Variants in ATAT1 observed in about 807,000 individuals in gnomAD.
ATAT1 encodes alpha-tubulin N-acetyltransferase 1.
A neutral mutation model predicts 57.2 loss-of-function variants in ATAT1; 42 were observed. The ratio of observed to expected loss-of-function variants is 0.73; its 90% CI spans 0.57 to 0.95. ATAT1 has a LOEUF of 0.95. Ranked by LOEUF, ATAT1 falls within the 40% of genes least tolerant of loss-of-function variation. The probability of loss-of-function intolerance (pLI) is 0.00; values close to 1 mark genes in which losing one functional copy is unlikely to be tolerated. For missense variants in ATAT1, 454 were observed against 523.7 expected, an observed-to-expected ratio of 0.87 and a Z score of 1.30; for synonymous variants, 168 against 187.1, an observed-to-expected ratio of 0.90 and a Z score of 0.83.
chr6:30,636,967 A>G (rs1278971080), intron 6 of ATAT1, among the ~76,000 whole-genome samples: 3 of 151,928 alleles, frequency 2.0e-5, no homozygotes, highest in Non-Finnish European at 4.4e-5. Context: ...GCCCACCACC[A>G]CACCTGGCTA....
chr6:30,640,282 G>A (rs543486192), intron 6 of ATAT1, 95 bp from the exon 7 acceptor site: 2 of 1,362,916 alleles, frequency 1.5e-6, no homozygotes, highest in East Asian at 4.7e-5. Context: ...ACTCTGTGAT[G>A]TTCACACAAT....
chr6:30,643,683 G>A, intron 10 of ATAT1: 1 of 1,509,710 alleles, frequency 6.6e-7, no homozygotes, highest in Non-Finnish European at 8.9e-7. Flanking sequence ...GAGCCCATAG[G>A]ATTCCCTCTT....
intron 6 of ATAT1, among the ~76,000 whole-genome samples, chr6:30,634,590 C>T (rs1418307095): frequency 6.8e-6 from 1 of 148,114 alleles, no homozygotes; most frequent in African/African-American, 2.5e-5. Context: ...ACCAAGCCAG[C>T]CTTTGGAGGG....
At chr6:30,640,639 A>G in intron 8 of ATAT1, 36 bp downstream of exon 8, 1 of 1,607,672 alleles carries the variant, frequency 6.2e-7, no homozygotes, top group Non-Finnish European at 8.5e-7. Flanking sequence ...ACTGTAGTGC[A>G]GTGATGGCTA....
Position 30,627,138 on chromosome 6 carries a change from A to C in ATAT1, c.-66A>C. On this transcript the variant is annotated 5_prime_UTR_variant, in exon 1 of 13. Transcript: ENST00000330083. The stretch of plus-strand genomic sequence containing the variant: ...TTTGGTGACCTCTGACCCTGGGCCT[A>C]GTGGGATTGATCAGCGCTTGGATCT... 6.2e-7 allele frequency: 1 copy of C among 1,606,584 alleles called. No homozygotes were observed.
chr6:30,633,683 AAGG>A (rs780869357), intron 6 of ATAT1: 36 of 211,320 alleles, frequency 1.7e-4, no homozygotes, highest in Non-Finnish European at 3.4e-4. Flanking sequence ...CAAGGACTTC[AAGG>A]AGAAGTTGTG....
At chr6:30,634,727 G>A (rs1330043259) in intron 6 of ATAT1, among the ~76,000 whole-genome samples, 1 of 138,344 alleles carries the variant, frequency 7.2e-6, no homozygotes, top group African/African-American at 2.7e-5. Flanking sequence ...GGTGGCTCGC[G>A]CCTGTAATCC....
chr6:30,637,117 G>A lies in ATAT1; in HGVS notation c.502-3260G>A, dbSNP rs370543085. 2.2e-4 allele frequency among the ~76,000 whole-genome samples: 33 copies of A among 152,218 alleles called. 3 individuals carry two copies. The highest frequency in any genetic ancestry group is 1.2e-3 in the East Asian group (6 of 5,188). On this transcript the variant is annotated intron_variant, in intron 6 of 12. Transcript: ENST00000330083. ...TACCCGGTCCTGGAGCACAGTATTC[G>A]ATATGAAACACATTACCCAGTTAAC...
intron 10 of ATAT1, chr6:30,644,390 T>A (rs996749719): frequency 1.0e-6 from 1 of 985,078 alleles, no homozygotes; most frequent in African/African-American, 1.8e-5. Context: ...CGAGATGAGA[T>A]GGGGGACCAC....
At chr6:30,627,969 T>C in intron 4 of ATAT1, 58 bp downstream of exon 4, 1 of 1,608,996 alleles carries the variant, frequency 6.2e-7, no homozygotes, top group East Asian at 2.2e-5. Flanking sequence ...ACAAAAGTGC[T>C]GGAGGTTAGG....
chr6:30,630,673 C>T (rs770586166), intron 6 of ATAT1, among the ~76,000 whole-genome samples: 7 of 151,942 alleles, frequency 4.6e-5, no homozygotes, highest in East Asian at 1.9e-4. Context: ...CATGGTGGCT[C>T]ATGCCTGTAA....
intron 6 of ATAT1, among the ~76,000 whole-genome samples, chr6:30,630,347 A>G (rs1172011802): frequency 6.6e-6 from 1 of 150,812 alleles, no homozygotes; most frequent in Non-Finnish European, 1.5e-5. Flanking sequence ...AACAGAAAAA[A>G]AGGCCAGGTG....
Position 30,646,598 on chromosome 6 carries a change from G to T in ATAT1, c.1185G>T (p.Arg395Ser), listed in dbSNP as rs1003245892. 2.5e-6 allele frequency: 4 copies of T among 1,576,520 alleles called. No homozygotes were observed. Among genetic ancestry groups the T allele is most frequent in the African/African-American group, 2.7e-5 (2 of 73,944 alleles). The change falls in exon 13 of 13, where the codon AGG (arginine) becomes AGT (serine). Residue 395 changes from arginine (R) to serine (S), a missense_variant. Coordinates refer to ENST00000330083, the MANE Select transcript of ATAT1 (RefSeq NM_001031722.4). Reference sequence around the variant, plus strand: ...TGGGTGGGGACATACTCAACGCCAGGTTCATTCGAAACCTGCAGGAACGTC... The same window carrying T: ...TGGGTGGGGACATACTCAACGCCAGTTTCATTCGAAACCTGCAGGAACGTC...
intron 10 of ATAT1, chr6:30,644,471 T>A (rs1766232677): frequency 1.0e-6 from 1 of 985,674 alleles, no homozygotes; most frequent in Non-Finnish European, 1.2e-6. Context: ...GCCCAGAGTA[T>A]AGCTAGATCC....
Position 30,646,615 on chromosome 6 carries a change from A to C in ATAT1, c.1202A>C (p.Gln401Pro). ...AACGCCAGGTTCATTCGAAACCTGCAGGAACGTCGCAGCACCAGGCCTTGG... is the reference window on the plus strand; with the variant it reads ...AACGCCAGGTTCATTCGAAACCTGCCGGAACGTCGCAGCACCAGGCCTTGG... Residue 401 changes from glutamine to proline, a missense_variant, in exon 13 of 13, where the codon CAG becomes CCG. Transcript: ENST00000330083. 1 of 1,572,522 alleles carries C rather than the reference A, an allele frequency of 6.4e-7. No homozygotes were observed. Among genetic ancestry groups the C allele is most frequent in the Non-Finnish European group, 8.6e-7 (1 of 1,159,056 alleles).
intron 6 of ATAT1, chr6:30,633,612 G>A (rs1763373904): frequency 1.0e-5 from 2 of 191,772 alleles, no homozygotes; most frequent in South Asian, 1.1e-4. Flanking sequence ...CCTTGCATCG[G>A]ATCACCGCTG....
intron 6 of ATAT1, among the ~76,000 whole-genome samples, chr6:30,631,986 C>T (rs1762987581): frequency 6.6e-6 from 1 of 151,940 alleles, no homozygotes; most frequent in Admixed American, 6.6e-5. Flanking sequence ...TTATAGGCTA[C>T]TGCAAAGACT....
At chr6:30,643,183 C>T (rs1765899369) in intron 10 of ATAT1, 172 bp downstream of exon 10, 2 of 1,454,818 alleles carry the variant, frequency 1.4e-6, no homozygotes, top group Non-Finnish European at 1.8e-6. Flanking sequence ...GAAAAAAATG[C>T]AGTGAAGGAG....
intron 8 of ATAT1, among the ~76,000 whole-genome samples, chr6:30,641,360 T>G (rs1765403796): frequency 6.6e-6 from 1 of 152,180 alleles, no homozygotes; most frequent in East Asian, 1.9e-4. Flanking sequence ...TCGCTTTGGT[T>G]TCCAAGGCTT....
Sources: gnomAD v4.1 joint callset for allele counts (sites outside exome capture counted in the v4.1 genomes callset) on GRCh38, gnomAD v4.1.1 for gene constraint, MANE v1.5 for transcripts, NCBI Gene and HGNC (gene_info 2026-07-23, HGNC 2026-07-21) for gene names.